COG5: variants seen among roughly 807,000 people sequenced by gnomAD.
COG5 encodes the protein conserved oligomeric Golgi complex subunit 5.
Under a neutral mutation model 110.4 loss-of-function variants are expected in COG5, and 86 were observed. The observed-to-expected ratio is 0.78, with a 90% CI of 0.65 to 0.93. COG5 has a LOEUF of 0.93. Among genes scored for constraint, COG5 ranks in the 40% least tolerant of loss-of-function variants. The pLI, the probability that COG5 is intolerant of heterozygous loss-of-function variation, is 0.00. For missense variants in COG5, 1,077 were observed against 987.0 expected (o/e 1.09, Z -1.22); for synonymous variants, 360 against 334.6 (o/e 1.08, Z -0.83).
intron 5 of COG5, among the ~76,000 whole-genome samples, chr7:107,533,374 G>A (rs965913103): frequency 3.3e-5 from 5 of 151,476 alleles, no homozygotes; most frequent in Non-Finnish European, 5.9e-5. Flanking sequence ...ACTCCTCCAA[G>A]CTACAGGAGC....
At chr7:107,332,197 TATC>T (rs1408029957) in intron 10 of COG5, among the ~76,000 whole-genome samples, 1 of 152,134 alleles carries the variant, frequency 6.6e-6, no homozygotes, top group East Asian at 1.9e-4. Flanking sequence ...ATTTAAGTGT[TATC>T]AGCATTTAGA....
At chr7:107,531,867 A>C (rs549303289) in intron 5 of COG5, among the ~76,000 whole-genome samples, 11 of 152,214 alleles carry the variant, frequency 7.2e-5, no homozygotes, top group Admixed American at 5.9e-4. Flanking sequence ...AGTAAAACTA[A>C]AATAGCTGGT....
intron 6 of COG5, among the ~76,000 whole-genome samples, chr7:107,473,433 C>T (rs1305158550): frequency 6.6e-6 from 1 of 151,862 alleles, no homozygotes; most frequent in Non-Finnish European, 1.5e-5. Context: ...AAATATTAAT[C>T]ACTGGCCTAT....
chr7:107,337,054 A>G (rs1366655031), intron 10 of COG5, among the ~76,000 whole-genome samples: 1 of 152,222 alleles, frequency 6.6e-6, no homozygotes, highest in Non-Finnish European at 1.5e-5. Flanking sequence ...AAAATTGTCA[A>G]CATCACTAAT....
At chr7:107,236,734 C>A in intron 17 of COG5, 47 bp from the exon 18 acceptor site, 1 of 1,237,912 alleles carries the variant, frequency 8.1e-7, no homozygotes, top group Non-Finnish European at 1.2e-6. Context: ...CACTAAATCA[C>A]ACTCTTTGAT....
chr7:107,409,619 T>G (rs1792129578), intron 7 of COG5, among the ~76,000 whole-genome samples: 1 of 152,186 alleles, frequency 6.6e-6, no homozygotes, highest in African/African-American at 2.4e-5. Context: ...GAGAGAAATT[T>G]TAGTATCTTT....
chr7:107,311,995 T>A (rs900651999), intron 11 of COG5, among the ~76,000 whole-genome samples: 2 of 152,144 alleles, frequency 1.3e-5, no homozygotes, highest in Non-Finnish European at 2.9e-5. Flanking sequence ...CACTTGGAAT[T>A]TACCCTGACA....
chr7:107,434,358 A>T (rs925960059), intron 6 of COG5, among the ~76,000 whole-genome samples: 1 of 152,224 alleles, frequency 6.6e-6, no homozygotes, highest in Non-Finnish European at 1.5e-5. Flanking sequence ...TCTTAAAGGA[A>T]TATCTGCATA....
intron 6 of COG5, among the ~76,000 whole-genome samples, chr7:107,416,634 G>A (rs1563022146): frequency 6.6e-6 from 1 of 152,096 alleles, no homozygotes; most frequent in East Asian, 1.9e-4. Context: ...ATGGCACAGA[G>A]TATAGCATTT....
At chr7:107,501,384 A>C (rs894697505) in intron 6 of COG5, among the ~76,000 whole-genome samples, 7 of 152,116 alleles carry the variant, frequency 4.6e-5, no homozygotes, top group Admixed American at 4.6e-4. Context: ...CTCAAACTTT[A>C]TAAGTCTTCC....
chr7:107,419,774 G>T (rs1793145629), intron 6 of COG5, among the ~76,000 whole-genome samples: 2 of 152,002 alleles, frequency 1.3e-5, no homozygotes, highest in African/African-American at 4.8e-5. Flanking sequence ...CACCATTTTG[G>T]CCAGGCTAGT....
chr7:107,341,894 G>T (rs1811198066), intron 10 of COG5, among the ~76,000 whole-genome samples: 1 of 152,170 alleles, frequency 6.6e-6, no homozygotes, highest in Non-Finnish European at 1.5e-5. Flanking sequence ...GTGGATTGAA[G>T]ATTTAAATGT....
chr7:107,375,393 C>T lies in COG5; in HGVS notation c.670-2633G>A, dbSNP rs138050830. On this transcript the variant is annotated intron_variant, in intron 7 of 21. Coordinates refer to ENST00000297135, the MANE Select transcript of COG5 (RefSeq NM_006348.5). ...ATTTCTGTAGGCAAAAGTAGAATTG[C>T]TAAATCATATTAGTACACTTAGAGT... Among the ~76,000 whole-genome samples the T allele has an allele frequency of 2.8e-4, 42 of 152,142 alleles. No individual in the cohort carries two copies. The East Asian group carries it at 7.9e-3, about 29-fold the overall frequency.
At chr7:107,330,751 G>A (rs1198258022) in intron 10 of COG5, among the ~76,000 whole-genome samples, 1 of 151,636 alleles carries the variant, frequency 6.6e-6, no homozygotes, top group Admixed American at 6.6e-5. Context: ...ATTTCCTCAT[G>A]TAAATAGTAG....
intron 6 of COG5, among the ~76,000 whole-genome samples, chr7:107,439,519 T>C (rs1563035755): frequency 6.6e-6 from 1 of 152,094 alleles, no homozygotes; most frequent in African/African-American, 2.4e-5. Flanking sequence ...ATTACATTTA[T>C]AACTTTATAT....
At chr7:107,433,036 C>T (rs531800428) in intron 6 of COG5, among the ~76,000 whole-genome samples, 4 of 152,146 alleles carry the variant, frequency 2.6e-5, no homozygotes, top group African/African-American at 7.2e-5. Context: ...AGTACACTAA[C>T]AGTGAACAAT....
chr7:107,530,646 AC>A (rs1291638109), intron 5 of COG5, among the ~76,000 whole-genome samples: 1 of 150,368 alleles, frequency 6.7e-6, no homozygotes, highest in Non-Finnish European at 1.5e-5. Context: ...CAGCACTCCA[AC>A]CCCCTTTTTA....
At chr7:107,212,663 A>G (rs1340757786) in intron 19 of COG5, among the ~76,000 whole-genome samples, 1 of 152,332 alleles carries the variant, frequency 6.6e-6, no homozygotes, top group African/African-American at 2.4e-5. Flanking sequence ...AGATGGTAGA[A>G]GAAGAACTTC....
At chr7:107,415,798 ATGTGTG>A (rs753867030) in intron 6 of COG5, among the ~76,000 whole-genome samples, 1 of 102,050 alleles carries the variant, frequency 9.8e-6, no homozygotes, top group South Asian at 2.9e-4. Context: ...GTATGTATGT[ATGTGTG>A]TATATATACA....
Sources: gnomAD v4.1 joint callset for allele counts (sites outside exome capture counted in the v4.1 genomes callset) on GRCh38, gnomAD v4.1.1 for gene constraint, MANE v1.5 for transcripts, NCBI Gene and HGNC (gene_info 2026-07-23, HGNC 2026-07-21) for gene names.